The following CDK5RAP1 variants were observed in gnomAD, a reference collection of about 807,000 sequenced individuals.
CDK5RAP1 encodes CDK5RAP1 mitochondrial tRNA methylthiotransferase.
CDK5RAP1 carries 62 observed loss-of-function variants against 64.5 expected under a neutral mutation model. The observed-to-expected ratio is 0.96, with a 90% CI of 0.78 to 1.19. CDK5RAP1 has a LOEUF of 1.19. Among genes scored for constraint, CDK5RAP1 ranks in the 50% most tolerant of loss-of-function variants. The pLI is 0.00. For synonymous variants in CDK5RAP1, 250 were observed against 261.9 expected (o/e 0.95, Z 0.44); for missense variants, 657 against 735.0 (o/e 0.89, Z 1.23).
intron 8 of CDK5RAP1, among the ~76,000 whole-genome samples, chr20:33,374,566 T>TG (rs1328365056): frequency 3.3e-5 from 5 of 150,684 alleles, no homozygotes; most frequent in African/African-American, 1.2e-4. Flanking sequence ...AGTCACTTTC[T>TG]ATTTTTTTTT....
chr20:33,389,207 T>C (rs1357636845), intron 5 of CDK5RAP1, among the ~76,000 whole-genome samples: 1 of 149,286 alleles, frequency 6.7e-6, no homozygotes, highest in African/African-American at 2.5e-5. Context: ...ACCCATCGTC[T>C]GAGATGTGGG....
intron 12 of CDK5RAP1, among the ~76,000 whole-genome samples, chr20:33,363,135 C>T (rs1167303605): frequency 6.6e-6 from 1 of 152,182 alleles, no homozygotes; most frequent in Admixed American, 6.5e-5. Context: ...CCAAAGAATG[C>T]ATAACCTGAA....
chr20:33,387,802 C>T (rs917224321), intron 5 of CDK5RAP1, among the ~76,000 whole-genome samples: 6 of 152,150 alleles, frequency 3.9e-5, no homozygotes, highest in Non-Finnish European at 7.3e-5. Context: ...TGCGGTGGCT[C>T]ATGGCTGTAA....
At chr20:33,401,328 C>T (rs189556609) in intron 1 of CDK5RAP1, 100 bp downstream of exon 1, 23 of 894,786 alleles carry the variant, frequency 2.6e-5, no homozygotes, top group Non-Finnish European at 2.9e-5. Context: ...GCCATCCTCC[C>T]TCTTGAACAC....
intron 1 of CDK5RAP1, among the ~76,000 whole-genome samples, chr20:33,398,752 C>G (rs1447407107): frequency 6.6e-6 from 1 of 152,046 alleles, no homozygotes; most frequent in Non-Finnish European, 1.5e-5. Context: ...ATAGTGAGAC[C>G]TCATCTCTAT....
At chr20:33,391,588 G>A (rs1350293696) in intron 5 of CDK5RAP1, among the ~76,000 whole-genome samples, 3 of 152,156 alleles carry the variant, frequency 2.0e-5, no homozygotes, top group Admixed American at 2.0e-4. Flanking sequence ...TTGGGAGGCT[G>A]AGGCAGGCGG....
chr20:33,361,515 C>T (rs923431910), intron 12 of CDK5RAP1, among the ~76,000 whole-genome samples: 7 of 152,066 alleles, frequency 4.6e-5, no homozygotes, highest in Non-Finnish European at 8.8e-5. Flanking sequence ...GAATCCACTA[C>T]CAAATAGAAG....
chr20:33,385,911 C>A, intron 6 of CDK5RAP1, 141 bp from the exon 7 acceptor site: 1 of 717,954 alleles, frequency 1.4e-6, no homozygotes, highest in South Asian at 2.2e-5. Flanking sequence ...AATCTGAGAT[C>A]TAAGCACTAA....
At chr20:33,386,086 A>G (rs139931062) in intron 6 of CDK5RAP1, among the ~76,000 whole-genome samples, 418 of 152,302 alleles carry the variant, frequency 2.7e-3, no homozygotes, top group Middle Eastern at 0.014. Flanking sequence ...GTTTTGTTTG[A>G]GACGGAGTCT....
intron 5 of CDK5RAP1, among the ~76,000 whole-genome samples, chr20:33,389,937 AT>A (rs34440890): frequency 6.0e-4 from 87 of 145,044 alleles, no homozygotes; most frequent in Admixed American, 1.0e-3. Context: ...ACACAATGGA[AT>A]TTTTTTTTTT....
At chr20:33,372,550 C>T (rs1335147296) in intron 10 of CDK5RAP1, 92 bp downstream of exon 10, 3 of 578,318 alleles carry the variant, frequency 5.2e-6, no homozygotes, top group Non-Finnish European at 8.9e-6. Context: ...AACTGTGTCA[C>T]AAGGAAATGC....
At chr20:33,378,687 T>C (rs1482740356) in intron 8 of CDK5RAP1, among the ~76,000 whole-genome samples, 1 of 152,168 alleles carries the variant, frequency 6.6e-6, no homozygotes, top group Non-Finnish European at 1.5e-5. Flanking sequence ...CAGATAAAGA[T>C]GAAAAGTTGA....
intron 2 of CDK5RAP1, among the ~76,000 whole-genome samples, chr20:33,395,809 T>C (rs1468814091): frequency 6.6e-6 from 1 of 152,086 alleles, no homozygotes; most frequent in Non-Finnish European, 1.5e-5. Flanking sequence ...GGTCAGGAGT[T>C]CGAGACCAGC....
chr20:33,387,273 GT>G, intron 6 of CDK5RAP1, 49 bp downstream of exon 6: 2 of 1,302,884 alleles, frequency 1.5e-6, no homozygotes, highest in African/African-American at 1.5e-5. Flanking sequence ...AAAAAAAAAA[GT>G]GTGAAAGGAG....
At chr20:33,366,807 C>G (rs1984040575) in intron 12 of CDK5RAP1, 52 bp downstream of exon 12, 3 of 1,533,804 alleles carry the variant, frequency 2.0e-6, no homozygotes, top group Non-Finnish European at 2.6e-6. Context: ...AATCAAAGAT[C>G]TAATGTTCTG....
chr20:33,388,170 C>T (rs293733), intron 5 of CDK5RAP1, among the ~76,000 whole-genome samples: 94,054 of 151,958 alleles, frequency 0.62, 29,560 homozygotes, highest in South Asian at 0.68. Context: ...AAAAAGTATT[C>T]TGTGTCTGGA....
chr20:33,378,367 T>C (rs1170945743), intron 8 of CDK5RAP1, among the ~76,000 whole-genome samples: 1 of 152,186 alleles, frequency 6.6e-6, no homozygotes, highest in Non-Finnish European at 1.5e-5. Context: ...GTGTGGCTCA[T>C]GGTGTTCCGA....
At chr20:33,364,290 G>A (rs1983486166) in intron 12 of CDK5RAP1, among the ~76,000 whole-genome samples, 1 of 150,422 alleles carries the variant, frequency 6.6e-6, no homozygotes, top group South Asian at 2.1e-4. Flanking sequence ...CCAGGTTCAA[G>A]CAATTCTCTG....
chr20:33,362,940 T>C (rs1447395407), intron 12 of CDK5RAP1, among the ~76,000 whole-genome samples: 1 of 152,224 alleles, frequency 6.6e-6, no homozygotes, highest in Non-Finnish European at 1.5e-5. Context: ...TTAGAGGCTC[T>C]ACTATTCCCT....
Sources: gnomAD v4.1 joint callset for allele counts (sites outside exome capture counted in the v4.1 genomes callset) on GRCh38, gnomAD v4.1.1 for gene constraint, MANE v1.5 for transcripts, NCBI Gene and HGNC (gene_info 2026-07-23, HGNC 2026-07-21) for gene names.